The following ZDHHC14 variants were observed in gnomAD, a reference collection of about 807,000 sequenced individuals.
ZDHHC14 encodes the protein palmitoyltransferase ZDHHC14.
A neutral mutation model predicts 47.7 loss-of-function variants in ZDHHC14; 16 were observed. The ratio of observed to expected loss-of-function variants is 0.34; its 90% CI spans 0.23 to 0.51. ZDHHC14 has a LOEUF of 0.51. Ranked by LOEUF, ZDHHC14 falls within the 20% of genes least tolerant of loss-of-function variation. The pLI, the probability that ZDHHC14 is intolerant of heterozygous loss-of-function variation, is 0.97. For missense variants in ZDHHC14, 515 were observed against 662.5 expected (o/e 0.78, Z 2.44); for synonymous variants, 293 against 278.9 (o/e 1.05, Z -0.50).
chr6:157,605,483 T>G (rs1784503354), intron 3 of ZDHHC14, among the ~76,000 whole-genome samples: 1 of 152,240 alleles, frequency 6.6e-6, no homozygotes. Flanking sequence ...AAGTCTTCCC[T>G]GTGTTACCAA....
chr6:157,536,122 G>A lies in ZDHHC14; in HGVS notation c.246-6463G>A, dbSNP rs1582902456. Among the ~76,000 whole-genome samples the A allele has an allele frequency of 2.6e-5, 4 of 152,254 alleles. No homozygotes were observed. In the Middle Eastern group the frequency reaches 0.01, roughly 388 times the overall value. ...CTTATTATTGAAATGCTTTGCAATC[G>A]AGAATCTGAAACTTAAAATGCTAGG... On this transcript the variant is annotated intron_variant, in intron 1 of 8. Coordinates refer to ENST00000359775, the MANE Select transcript of ZDHHC14 (RefSeq NM_024630.3).
intron 1 of ZDHHC14, among the ~76,000 whole-genome samples, chr6:157,384,081 T>C (rs1777266297): frequency 6.6e-6 from 1 of 152,248 alleles, no homozygotes; most frequent in Admixed American, 6.5e-5. Flanking sequence ...ACTGTGTTCC[T>C]ACAGTTTTTT....
intron 2 of ZDHHC14, among the ~76,000 whole-genome samples, chr6:157,574,682 G>T (rs895710170): frequency 1.3e-5 from 2 of 152,092 alleles, no homozygotes; most frequent in Non-Finnish European, 2.9e-5. Context: ...ATTCATCATT[G>T]GTTTCCCCAT....
intron 1 of ZDHHC14, among the ~76,000 whole-genome samples, chr6:157,465,506 G>T (rs889300148): frequency 1.3e-5 from 2 of 151,976 alleles, no homozygotes; most frequent in South Asian, 4.1e-4. Context: ...AACGGGAAAT[G>T]AAATAAAATG....
At chr6:157,448,545 A>T (rs1161062722) in intron 1 of ZDHHC14, among the ~76,000 whole-genome samples, 1 of 152,212 alleles carries the variant, frequency 6.6e-6, no homozygotes, top group Non-Finnish European at 1.5e-5. Flanking sequence ...TCCATTGATA[A>T]TTTCCCAGAA....
intron 2 of ZDHHC14, among the ~76,000 whole-genome samples, chr6:157,573,714 T>C (rs1362250544): frequency 2.0e-5 from 3 of 152,216 alleles, no homozygotes; most frequent in African/African-American, 7.2e-5. Flanking sequence ...CATGATGGGT[T>C]AATCCTTCCT....
At chr6:157,610,695 T>A (rs1784719378) in intron 3 of ZDHHC14, among the ~76,000 whole-genome samples, 1 of 152,190 alleles carries the variant, frequency 6.6e-6, no homozygotes, top group Admixed American at 6.5e-5. Flanking sequence ...GACAGACCCA[T>A]GTTGTCCGAG....
chr6:157,485,602 G>A (rs1050168073), intron 1 of ZDHHC14, among the ~76,000 whole-genome samples: 1 of 151,784 alleles, frequency 6.6e-6, no homozygotes, highest in African/African-American at 2.4e-5. Context: ...CAGAGCCCCA[G>A]TGACTGACTC....
At chr6:157,525,696 T>A (rs1781130087) in intron 1 of ZDHHC14, among the ~76,000 whole-genome samples, 1 of 152,156 alleles carries the variant, frequency 6.6e-6, no homozygotes, top group Admixed American at 6.5e-5. Flanking sequence ...GCAGGCTCCC[T>A]ACCGTATTGT....
intron 1 of ZDHHC14, among the ~76,000 whole-genome samples, chr6:157,461,539 A>G (rs895216633): frequency 6.6e-6 from 1 of 152,154 alleles, no homozygotes; most frequent in Non-Finnish European, 1.5e-5. Context: ...AGGCATTTGG[A>G]TTAGTGAAAT....
In ZDHHC14 at chr6:157,659,816, T is replaced by TA. The variant is rs541055066; in HGVS notation, c.1068+6195dup. Among the ~76,000 whole-genome samples, 660 of 152,310 alleles carry TA rather than the reference T, an allele frequency of 4.3e-3. 2 individuals carry two copies. The highest frequency in any genetic ancestry group is 7.5e-3 in the Non-Finnish European group (513 of 68,030). On this transcript the variant is annotated intron_variant, in intron 8 of 8. Transcript: ENST00000359775. Reference sequence around the variant, plus strand: ...GGATATAGTTAGAGCTCAAAATCAATAAAAAAGTTCTTGCGTTCCAATCCC... The same window carrying TA: ...GGATATAGTTAGAGCTCAAAATCAATAAAAAAAGTTCTTGCGTTCCAATCCC...
chr6:157,587,468 G>C (rs980857813), intron 2 of ZDHHC14, among the ~76,000 whole-genome samples: 1 of 152,146 alleles, frequency 6.6e-6, no homozygotes, highest in Non-Finnish European at 1.5e-5. Flanking sequence ...CATTTGATGG[G>C]GCAGCCACCT....
At chr6:157,464,184 T>C (rs551326765) in intron 1 of ZDHHC14, among the ~76,000 whole-genome samples, 2 of 152,358 alleles carry the variant, frequency 1.3e-5, no homozygotes, top group African/African-American at 4.8e-5. Context: ...TTCTTTAACC[T>C]TAGAGTTCTG....
intron 3 of ZDHHC14, among the ~76,000 whole-genome samples, chr6:157,622,214 TACAAAA>T (rs1562513330): frequency 4.3e-5 from 1 of 23,522 alleles, no homozygotes; most frequent in Non-Finnish European, 7.9e-5. Context: ...CCACTAAAAA[TACAAAA>T]AAAAAAAAAA....
At chr6:157,445,994 G>C (rs988038893) in intron 1 of ZDHHC14, among the ~76,000 whole-genome samples, 1 of 152,104 alleles carries the variant, frequency 6.6e-6, no homozygotes, top group Non-Finnish European at 1.5e-5. Context: ...GGTAGTGTGG[G>C]GTGCATGAGG....
intron 2 of ZDHHC14, among the ~76,000 whole-genome samples, chr6:157,556,915 A>G (rs1038030133): frequency 1.3e-5 from 2 of 152,170 alleles, no homozygotes; most frequent in African/African-American, 4.8e-5. Flanking sequence ...AGTTGCGGGC[A>G]CTGAGGGGCT....
chr6:157,443,412 C>T (rs981989334), intron 1 of ZDHHC14, among the ~76,000 whole-genome samples: 17 of 152,114 alleles, frequency 1.1e-4, no homozygotes, highest in Admixed American at 3.9e-4. Flanking sequence ...TGGCAGCACC[C>T]GGGGTGATCC....
chr6:157,532,436 C>A (rs139336346), intron 1 of ZDHHC14, among the ~76,000 whole-genome samples: 4 of 152,140 alleles, frequency 2.6e-5, no homozygotes, highest in African/African-American at 9.7e-5. Context: ...CATTCCTGAA[C>A]GCCTCCTTTC....
chr6:157,388,387 G>T (rs937803554), intron 1 of ZDHHC14, among the ~76,000 whole-genome samples: 11 of 152,128 alleles, frequency 7.2e-5, no homozygotes, highest in African/African-American at 2.7e-4. Flanking sequence ...ATATCCTGGA[G>T]ATTTTTTTTT....
Sources: allele counts gnomAD v4.1 joint callset (sites outside exome capture counted in the v4.1 genomes callset), GRCh38; gene constraint gnomAD v4.1.1; transcripts MANE v1.5; gene names NCBI Gene and HGNC (gene_info 2026-07-23, HGNC 2026-07-21).